Variants in KANTR observed in about 807,000 individuals in gnomAD.
KANTR encodes KANTR integral membrane protein.
exon 3 of KANTR, chrX:53,142,013 G>C (rs1440000074): frequency 5.6e-6 from 1 of 179,351 alleles, no homozygotes; most frequent in Non-Finnish European, 9.0e-6. Context: ...CCAGCCTCTA[G>C]AGAAATCCCA....
chrX:53,099,578 A>G (rs1932872861), exon 2 of KANTR: 1 of 111,762 alleles, frequency 8.9e-6, no homozygotes, highest in South Asian at 3.7e-4. Flanking sequence ...CCTTCCATGA[A>G]TCACAAATGT....
intron 2 of KANTR, among the ~76,000 whole-genome samples, chrX:53,104,554 A>G (rs1556812405): frequency 9.0e-6 from 1 of 111,013 alleles, no homozygotes. Context: ...ACTCATTAGC[A>G]GTCACTTCCC....
At chrX:53,112,613 C>T (rs782721613) in intron 2 of KANTR, among the ~76,000 whole-genome samples, 1 of 111,012 alleles carries the variant, frequency 9.0e-6, no homozygotes, top group African/African-American at 3.3e-5. Context: ...CTTATTAGAA[C>T]TCCTGTACCT....
At chrX:53,134,436 GC>G (rs1933396968) in intron 2 of KANTR, among the ~76,000 whole-genome samples, 1 of 111,429 alleles carries the variant, frequency 9.0e-6, no homozygotes, top group South Asian at 3.7e-4. Context: ...TTTCTTCTGG[GC>G]AGGGGAAGGA....
chrX:53,141,862 C>G, exon 3 of KANTR: 1 of 399,753 alleles, frequency 2.5e-6, no homozygotes, highest in South Asian at 5.3e-5. Flanking sequence ...AAATCCAAAC[C>G]GCTTCCAACT....
chrX:53,101,389 T>C (rs960070798), intron 2 of KANTR, among the ~76,000 whole-genome samples: 9 of 111,338 alleles, frequency 8.1e-5, no homozygotes, highest in Non-Finnish European at 1.7e-4. Context: ...GAGGACTGTG[T>C]GAGCCGAGGA....
exon 3 of KANTR, chrX:53,124,582 T>C (rs782268909): frequency 5.5e-5 from 16 of 293,515 alleles, no homozygotes; most frequent in Non-Finnish European, 7.7e-5. Flanking sequence ...AATTTCCCTC[T>C]AACTCCTGCT....
chrX:53,132,864 CGAT>C (rs1933376154), intron 2 of KANTR, among the ~76,000 whole-genome samples: 1 of 111,673 alleles, frequency 9.0e-6, no homozygotes, highest in South Asian at 3.7e-4. Flanking sequence ...CAGGGCAACA[CGAT>C]GATCTTCAAC....
downstream of KANTR, among the ~76,000 whole-genome samples, chrX:53,144,366 G>C (rs1282369452): frequency 9.0e-6 from 1 of 111,573 alleles, no homozygotes; most frequent in Non-Finnish European, 1.9e-5. Flanking sequence ...CTGCACTCCA[G>C]CCTGGCAGTA....
intron 2 of KANTR, among the ~76,000 whole-genome samples, chrX:53,107,198 T>TC (rs1932964699): frequency 9.2e-6 from 1 of 109,162 alleles, no homozygotes; most frequent in African/African-American, 3.4e-5. Context: ...CTTTTTTTTT[T>TC]TCTTTTACAG....
intron 2 of KANTR, among the ~76,000 whole-genome samples, chrX:53,113,479 C>T (rs1401153685): frequency 9.1e-5 from 10 of 109,315 alleles, no homozygotes; most frequent in Non-Finnish European, 1.1e-4. Context: ...TTGTAAGCCA[C>T]TTCATACGTC....
chrX:53,142,741 A>C, downstream of KANTR: 1 of 435,490 alleles, frequency 2.3e-6, no homozygotes, highest in South Asian at 2.6e-5. Flanking sequence ...CTCGCAGTCC[A>C]TTTAGAGGCA....
chrX:53,143,359 A>G (rs1213059026), downstream of KANTR: 10 of 742,552 alleles, frequency 1.3e-5, no homozygotes, highest in African/African-American at 2.1e-4. Context: ...GTAGTTGGTC[A>G]GGTCCTGGCC....
intron 2 of KANTR, among the ~76,000 whole-genome samples, chrX:53,109,944 G>A (rs1393221535): frequency 9.1e-6 from 1 of 110,089 alleles, no homozygotes; most frequent in East Asian, 2.9e-4. Flanking sequence ...TAGTAGAGAT[G>A]GGGTTTCACC....
chrX:53,099,007 G>A (rs1333709598), intron 1 of KANTR, among the ~76,000 whole-genome samples: 1 of 110,340 alleles, frequency 9.1e-6, no homozygotes, highest in African/African-American at 3.3e-5. Flanking sequence ...CCACAGGCAT[G>A]TGCCACCATG....
chrX:53,142,775 C>T, downstream of KANTR: 1 of 462,684 alleles, frequency 2.2e-6, no homozygotes, highest in East Asian at 4.2e-5. Flanking sequence ...ATGGAGGGGC[C>T]AGACTCATCA....
intron 2 of KANTR, among the ~76,000 whole-genome samples, chrX:53,138,725 A>C (rs1196283574): frequency 2.7e-5 from 3 of 110,119 alleles, no homozygotes; most frequent in African/African-American, 9.9e-5. Context: ...AAAAAGAAAT[A>C]TAAACAATGT....
At position 53,137,594 on chromosome X, in the gene KANTR, G is replaced by A. The variant is rs191998816; in HGVS notation, n.204-4254G>A. On this transcript the variant is annotated intron_variant and non_coding_transcript_variant, in intron 2 of 2. Transcript: ENST00000366185. Reference sequence around the variant, plus strand: ...AGCCTAACCAACATGGAGAAAGCCCGTCTCTACTAAAAAAAAAATACAAAA... The same window carrying A: ...AGCCTAACCAACATGGAGAAAGCCCATCTCTACTAAAAAAAAAATACAAAA... Among the ~76,000 whole-genome samples the A allele has an allele frequency of 5.7e-3, 618 of 109,091 alleles. 5 individuals carry two copies. Among genetic ancestry groups the A allele is most frequent in the Non-Finnish European group, 8.7e-3 (457 of 52,424 alleles). The allele number at this position is 109,091 out of a possible 115,157, so 94.7% of individuals were successfully genotyped here.
At chrX:53,145,671 C>G (rs111500266), downstream of KANTR, among the ~76,000 whole-genome samples, 1,203 of 111,979 alleles carry the variant, frequency 0.011, 12 homozygotes, top group African/African-American at 0.037. Context: ...CAGCACGCAG[C>G]TGGAGATCTG....
Sources: allele counts gnomAD v4.1 joint callset (sites outside exome capture counted in the v4.1 genomes callset), GRCh38; gene constraint gnomAD v4.1.1; transcripts MANE v1.5; gene names NCBI Gene and HGNC (gene_info 2026-07-23, HGNC 2026-07-21).